Variants in OR52M1 observed in about 807,000 individuals in gnomAD.
The protein encoded by OR52M1 is olfactory receptor 52M1.
A neutral mutation model predicts 1.3 loss-of-function variants in OR52M1; 2 were observed. The observed-to-expected ratio is 1.59, with a 90% CI of 0.65 to 5.01. OR52M1 has a LOEUF of 5.01. Among genes scored for constraint, OR52M1 ranks in the 30% most tolerant of loss-of-function variants. The pLI, the probability that OR52M1 is intolerant of heterozygous loss-of-function variation, is 0.06. For synonymous variants in OR52M1, 234 were observed against 151.4 expected, an observed-to-expected ratio of 1.55 and a Z score of -4.01; for missense variants, 585 against 403.7, an observed-to-expected ratio of 1.45 and a Z score of -3.85.
In OR52M1 at chr11:4,545,800, A is replaced by C; in HGVS notation, c.610A>C (p.Ser204Arg). The C allele has an allele frequency of 6.2e-7, 1 of 1,614,110 alleles. No homozygotes were observed. Among genetic ancestry groups the C allele is most frequent in the Non-Finnish European group, 8.5e-7 (1 of 1,180,012 alleles). ...CAGGGTCAATAATGTCTATGGGCTG[A>C]GCATCGGCTTTCTGGTGTTGATCCT... ...DSRVNNVYGL[S>R]IGFLVLILDS... The change falls in exon 1 of 1, where the codon AGC (serine) becomes CGC (arginine). Residue 204 changes from serine (S) to arginine (R), a missense_variant. Physicochemically the swap from Ser to Arg is moderately radical, Grantham distance 110 (BLOSUM62 -1). Transcript: ENST00000360213.
rs762975804 is a variant in OR52M1 at position 4,545,733 on chromosome 11, C to A, written c.543C>A (p.Tyr181Ter). 2.5e-6 allele frequency: 4 copies of A among 1,613,896 alleles called. No individual in the cohort carries two copies. The highest frequency in any genetic ancestry group is 1.6e-4 in the Middle Eastern group (1 of 6,080). ...LYKTHVISHSYCEHMAVVALT... is the reference protein window; with the variant it reads ...LYKTHVISHS Reference sequence around the variant, plus strand: ...AAACCCATGTTATCTCCCACTCCTACTGTGAGCACATGGCTGTAGTTGCCT... The same window carrying A: ...AAACCCATGTTATCTCCCACTCCTAATGTGAGCACATGGCTGTAGTTGCCT... The change falls in exon 1 of 1, where the codon TAC becomes TAA. Residue 181 changes from tyrosine to a stop codon, truncating the protein, a stop_gained. Coordinates refer to ENST00000360213, the MANE Select transcript of OR52M1 (RefSeq NM_001004137.1). LOFTEE classifies it low-confidence loss of function (END_TRUNC).
Position 4,545,537 on chromosome 11 carries a change from T to C in OR52M1, c.347T>C (p.Ile116Thr). ...IHCFATVESG[I>T]FLAMAFDRYV... The stretch of plus-strand genomic sequence containing the variant: ...TGCTTTGCCACTGTTGAGTCAGGCA[T>C]CTTCCTTGCCATGGCTTTTGATCGC... Residue 116 changes from isoleucine to threonine, a missense_variant, in exon 1 of 1, where the codon ATC (isoleucine) becomes ACC (threonine). Ile to Thr is a moderately conservative substitution (Grantham distance 89, BLOSUM62 -1). Coordinates refer to ENST00000360213, the MANE Select transcript of OR52M1 (RefSeq NM_001004137.1). The C allele has an allele frequency of 6.2e-7, 1 of 1,612,914 alleles. No individual in the cohort carries two copies. Among genetic ancestry groups the C allele is most frequent in the Non-Finnish European group, 8.5e-7 (1 of 1,179,372 alleles).
chr11:4,545,729 CCTA>C lies in OR52M1; in HGVS notation c.542_544del (p.Tyr181del). On this transcript the variant is annotated inframe_deletion, in exon 1 of 1. Transcript: ENST00000360213. Reference sequence around the variant, plus strand: ...TATAAAACCCATGTTATCTCCCACTCCTACTGTGAGCACATGGCTGTAGTTGCC... The same window carrying C: ...TATAAAACCCATGTTATCTCCCACTCCTGTGAGCACATGGCTGTAGTTGCC... 1 of 1,613,928 alleles carries C rather than the reference CCTA, an allele frequency of 6.2e-7. No homozygotes were observed. The highest frequency in any genetic ancestry group is 8.5e-7 in the Non-Finnish European group (1 of 1,179,910).
At position 4,545,867 on chromosome 11, in the gene OR52M1, G is replaced by A; in HGVS notation, c.677G>A (p.Arg226Lys). The A allele has an allele frequency of 6.2e-7, 1 of 1,614,136 alleles. No individual in the cohort carries two copies. The highest frequency in any genetic ancestry group is 8.5e-7 in the Non-Finnish European group (1 of 1,180,034). ...GCTGCATCCTATGTGATGATTTTCA[G>A]GGCCGTGATGGGGTTAGCCACTCCT... is the stretch of plus-strand genomic sequence containing the variant. ...AIAASYVMIF[R>K]AVMGLATPEA... The change falls in exon 1 of 1, where the codon AGG becomes AAG. Residue 226 changes from arginine (R) to lysine (K), a missense_variant. Arg to Lys is a conservative substitution (Grantham distance 26). Transcript: ENST00000360213.
Position 4,545,796 on chromosome 11 carries a change from G to A in OR52M1, c.606G>A (p.Gly202=), listed in dbSNP as rs927583725. Reference sequence around the variant, plus strand: ...ACAGCAGGGTCAATAATGTCTATGGGCTGAGCATCGGCTTTCTGGTGTTGA... The same window carrying A: ...ACAGCAGGGTCAATAATGTCTATGGACTGAGCATCGGCTTTCTGGTGTTGA... ...CGDSRVNNVY[G]LSIGFLVLIL... Residue 202 remains glycine (G), a synonymous_variant, in exon 1 of 1, where the codon GGG becomes GGA. Transcript: ENST00000360213. 1.2e-6 allele frequency: 2 copies of A among 1,614,168 alleles called. No homozygotes were observed. The highest frequency in any genetic ancestry group is 1.1e-5 in the South Asian group (1 of 91,086).
Position 4,545,251 on chromosome 11 carries a change from G to C in OR52M1, c.61G>C (p.Gly21Arg). 1 of 1,613,522 alleles carries C rather than the reference G, an allele frequency of 6.2e-7. No homozygotes were observed. The highest frequency in any genetic ancestry group is 8.5e-7 in the Non-Finnish European group (1 of 1,179,780). Residue 21 changes from glycine to arginine, a missense_variant, in exon 1 of 1, where the codon GGG becomes CGG. Transcript: ENST00000360213. Reference sequence around the variant, plus strand: ...CTCCTTCTGGCTCACTGGCATCCCAGGGCTGGAGTCCCTACACGTCTGGCT... The same window carrying C: ...CTCCTTCTGGCTCACTGGCATCCCACGGCTGGAGTCCCTACACGTCTGGCT... Reference protein sequence around the residue: ...PSSFWLTGIPGLESLHVWLSI... With the variant: ...PSSFWLTGIPRLESLHVWLSI...
chr11:4,545,641 C>G lies in OR52M1; in HGVS notation c.451C>G (p.Leu151Val). 1 of 1,613,568 alleles carries G rather than the reference C, an allele frequency of 6.2e-7. No individual in the cohort carries two copies. The highest frequency in any genetic ancestry group is 8.5e-7 in the Non-Finnish European group (1 of 1,179,770). The change falls in exon 1 of 1, where the codon CTC becomes GTC. Residue 151 changes from leucine to valine, a missense_variant. Physicochemically the swap from Leu to Val is conservative, Grantham distance 32. Transcript: ENST00000360213. ...TVVGRLGLVS[L>V]LRGVLYIGPL... is the part of the protein sequence containing the mutation. ...GGTGGGTCGTTTGGGGCTTGTTTCT[C>G]TCCTCCGGGGTGTTCTCTACATTGG... is the stretch of plus-strand genomic sequence containing the variant.
chr11:4,545,780 T>A lies in OR52M1; in HGVS notation c.590T>A (p.Val197Asp). The A allele has an allele frequency of 6.2e-7, 1 of 1,614,060 alleles. No individual in the cohort carries two copies. The highest frequency in any genetic ancestry group is 8.5e-7 in the Non-Finnish European group (1 of 1,180,014). ...VVALTCGDSR[V>D]NNVYGLSIGF... ...GCCTTGACATGTGGCGACAGCAGGG[T>A]CAATAATGTCTATGGGCTGAGCATC... The change falls in exon 1 of 1, where the codon GTC becomes GAC. Residue 197 changes from valine (V) to aspartate (D), a missense_variant. Val to Asp is a radical substitution (Grantham distance 152, BLOSUM62 -3). Coordinates refer to ENST00000360213, the MANE Select transcript of OR52M1 (RefSeq NM_001004137.1).
In OR52M1 at chr11:4,545,196, C is replaced by G. The variant is rs1296250291; in HGVS notation, c.6C>G (p.Leu2=). 5 of 1,572,956 alleles carry G rather than the reference C, an allele frequency of 3.2e-6. No homozygotes were observed. The highest frequency in any genetic ancestry group is 1.4e-5 in the African/African-American group (1 of 73,360). ...AGGTTCACATATAAATAGCCATGCT[C>G]ACTTTTCATAATGTCTGCTCAGTAC... M[L]TFHNVCSVPS... The change falls in exon 1 of 1, where the codon CTC becomes CTG. Residue 2 remains leucine, a synonymous_variant. Coordinates refer to ENST00000360213, the MANE Select transcript of OR52M1 (RefSeq NM_001004137.1).
In OR52M1 at chr11:4,545,516, T is replaced by G. The variant is rs1477734621; in HGVS notation, c.326T>G (p.Phe109Cys). The G allele has an allele frequency of 6.2e-7, 1 of 1,613,554 alleles. No homozygotes were observed. Among genetic ancestry groups the G allele is most frequent in the African/African-American group, 1.3e-5 (1 of 74,926 alleles). ...CLGQMFLIHCFATVESGIFLA... is the reference protein window; with the variant it reads ...CLGQMFLIHCCATVESGIFLA... ...GGCCAAATGTTCCTTATCCACTGCT[T>G]TGCCACTGTTGAGTCAGGCATCTTC... Residue 109 changes from phenylalanine to cysteine, a missense_variant, in exon 1 of 1, where the codon TTT (phenylalanine) becomes TGT (cysteine). Physicochemically the swap from Phe to Cys is radical, Grantham distance 205 (BLOSUM62 -2). Transcript: ENST00000360213.
Position 4,545,754 on chromosome 11 carries a change from T to C in OR52M1, c.564T>C (p.Val188=). 1.9e-6 allele frequency: 3 copies of C among 1,614,112 alleles called. 1 individual carries two copies. In the South Asian group the frequency reaches 3.3e-5, roughly 18 times the overall value. ...CCTACTGTGAGCACATGGCTGTAGT[T>C]GCCTTGACATGTGGCGACAGCAGGG... ...SHSYCEHMAV[V]ALTCGDSRVN... is the part of the protein sequence containing the mutation. The change falls in exon 1 of 1, where the codon GTT becomes GTC. Residue 188 remains valine (V), a synonymous_variant. Transcript: ENST00000360213.
rs1846935188 is a variant in OR52M1, at chr11:4,545,220, A to G, written c.30A>G (p.Val10=). Residue 10 remains valine (V), a synonymous_variant, in exon 1 of 1, where the codon GTA becomes GTG. Coordinates refer to ENST00000360213, the MANE Select transcript of OR52M1 (RefSeq NM_001004137.1). MLTFHNVCS[V]PSSFWLTGIP... is the part of the protein sequence containing the mutation. ...TCACTTTTCATAATGTCTGCTCAGT[A>G]CCCAGCTCCTTCTGGCTCACTGGCA... 2 of 1,610,528 alleles carry G rather than the reference A, an allele frequency of 1.2e-6. No homozygotes were observed. The highest frequency in any genetic ancestry group is 1.7e-6 in the Non-Finnish European group (2 of 1,178,416).
Position 4,545,952 on chromosome 11 carries a change from TTA to T in OR52M1, c.764_765del (p.Tyr255CysfsTer62). 1 of 1,614,092 alleles carries T rather than the reference TTA, an allele frequency of 6.2e-7. No homozygotes were observed. The highest frequency in any genetic ancestry group is 2.2e-5 in the East Asian group (1 of 44,870). On this transcript the variant is annotated frameshift_variant, in exon 1 of 1. Coordinates refer to ENST00000360213, the MANE Select transcript of OR52M1 (RefSeq NM_001004137.1). LOFTEE classifies it high-confidence loss of function. The stretch of plus-strand genomic sequence containing the variant: ...CTCACCTCTGTGCCATCCTGATCTT[TTA>T]TGTTCCCATTGCTGTTTCTTCCCTG... ...ASHLCAILIF[Y>X]VPIAVSSLIH...
rs759693327 is a variant in OR52M1, at chr11:4,545,203, CATA to C, written c.16_18del (p.Asn6del). 2 of 1,582,722 alleles carry C rather than the reference CATA, an allele frequency of 1.3e-6. No individual in the cohort carries two copies. The highest frequency in any genetic ancestry group is 4.5e-5 in the East Asian group (2 of 44,618). On this transcript the variant is annotated inframe_deletion, in exon 1 of 1. Transcript: ENST00000360213. The stretch of plus-strand genomic sequence containing the variant: ...CATATAAATAGCCATGCTCACTTTT[CATA>C]ATGTCTGCTCAGTACCCAGCTCCTT...
Position 4,545,675 on chromosome 11 carries a change from C to G in OR52M1, c.485C>G (p.Pro162Arg). ...LRGVLYIGPL[P>R]LMIRLRLPLY... ...GGTGTTCTCTACATTGGACCTCTGC[C>G]TCTGATGATCCGCCTGCGGCTGCCC... The change falls in exon 1 of 1, where the codon CCT becomes CGT. Residue 162 changes from proline (P) to arginine (R), a missense_variant. Coordinates refer to ENST00000360213, the MANE Select transcript of OR52M1 (RefSeq NM_001004137.1). The G allele has an allele frequency of 1.2e-6, 2 of 1,613,010 alleles. No homozygotes were observed. The highest frequency in any genetic ancestry group is 1.7e-6 in the Non-Finnish European group (2 of 1,179,504).
rs1475269884 is a variant in OR52M1 at position 4,545,536 on chromosome 11, A to G, written c.346A>G (p.Ile116Val). The G allele has an allele frequency of 1.9e-6, 3 of 1,612,792 alleles. No individual in the cohort carries two copies. Among genetic ancestry groups the G allele is most frequent in the Admixed American group, 3.3e-5 (2 of 59,940 alleles). Residue 116 changes from isoleucine to valine, a missense_variant, in exon 1 of 1, where the codon ATC (isoleucine) becomes GTC (valine). Transcript: ENST00000360213. ...IHCFATVESG[I>V]FLAMAFDRYV... Reference sequence around the variant, plus strand: ...CTGCTTTGCCACTGTTGAGTCAGGCATCTTCCTTGCCATGGCTTTTGATCG... The same window carrying G: ...CTGCTTTGCCACTGTTGAGTCAGGCGTCTTCCTTGCCATGGCTTTTGATCG...
chr11:4,545,604 C>T lies in OR52M1; in HGVS notation c.414C>T (p.Leu138=). 1.2e-6 allele frequency: 2 copies of T among 1,613,396 alleles called. No homozygotes were observed. The highest frequency in any genetic ancestry group is 1.3e-5 in the African/African-American group (1 of 75,042). ...ACCCACTACGTCATAGCATGGTGCT[C>T]ACTTATACAGTGGTGGGTCGTTTGG... ...ICNPLRHSMV[L]TYTVVGRLGL... is the part of the protein sequence containing the mutation. The change falls in exon 1 of 1, where the codon CTC becomes CTT. Residue 138 remains leucine (L), a synonymous_variant. Coordinates refer to ENST00000360213, the MANE Select transcript of OR52M1 (RefSeq NM_001004137.1).
chr11:4,545,820 G>C lies in OR52M1; in HGVS notation c.630G>C (p.Leu210Phe). Residue 210 changes from leucine to phenylalanine, a missense_variant, in exon 1 of 1, where the codon TTG becomes TTC. Leu to Phe is a conservative substitution (Grantham distance 22). Transcript: ENST00000360213. The stretch of plus-strand genomic sequence containing the variant: ...GGCTGAGCATCGGCTTTCTGGTGTT[G>C]ATCCTGGACTCAGTGGCTATTGCTG... ...VYGLSIGFLV[L>F]ILDSVAIAAS... 4 of 1,614,184 alleles carry C rather than the reference G, an allele frequency of 2.5e-6. No individual in the cohort carries two copies. The highest frequency in any genetic ancestry group is 3.4e-6 in the Non-Finnish European group (4 of 1,180,022).
Position 4,545,229 on chromosome 11 carries a change from C to T in OR52M1, c.39C>T (p.Ser13=), listed in dbSNP as rs1564845759. The T allele has an allele frequency of 3.1e-6, 5 of 1,612,392 alleles. No homozygotes were observed. The South Asian group carries it at 5.5e-5, about 18-fold the overall frequency. ...TFHNVCSVPS[S]FWLTGIPGLE... The stretch of plus-strand genomic sequence containing the variant: ...ATAATGTCTGCTCAGTACCCAGCTC[C>T]TTCTGGCTCACTGGCATCCCAGGGC... Residue 13 remains serine (S), a synonymous_variant, in exon 1 of 1, where the codon TCC becomes TCT. Coordinates refer to ENST00000360213, the MANE Select transcript of OR52M1 (RefSeq NM_001004137.1).
Sources: allele counts gnomAD v4.1 joint callset, GRCh38; gene constraint gnomAD v4.1.1; transcripts MANE v1.5; gene names NCBI Gene and HGNC (gene_info 2026-07-23, HGNC 2026-07-21).